ISM2: variants seen among roughly 807,000 people sequenced by gnomAD.
The protein encoded by ISM2 is isthmin 2, also known as isthmin-2.
ISM2 carries 50 observed loss-of-function variants against 58.0 expected under a neutral mutation model. The ratio of observed to expected loss-of-function variants is 0.86; its 90% confidence interval spans 0.69 to 1.09. The LOEUF is 1.09. Among genes scored for constraint, ISM2 ranks in the 50% least tolerant of loss-of-function variants. The pLI, the probability that ISM2 is intolerant of heterozygous loss-of-function variation, is 0.00. For missense variants in ISM2, 723 were observed against 745.0 expected, an observed-to-expected ratio of 0.97 and a Z score of 0.34; for synonymous variants, 303 against 312.4, an observed-to-expected ratio of 0.97 and a Z score of 0.32.
intron 4 of ISM2, among the ~76,000 whole-genome samples, chr14:77,480,615 T>G (rs2079126319): frequency 6.8e-6 from 1 of 146,812 alleles, no homozygotes. Context: ...TGGAGTGCAG[T>G]GATGTAATCA....
Position 77,482,511 on chromosome 14 carries a change from G to C in ISM2, c.784C>G (p.Pro262Ala). Residue 262 changes from proline to alanine, a missense_variant, in exon 4 of 7, where the codon CCA (proline) becomes GCA (alanine). Physicochemically the swap from Pro to Ala is conservative, Grantham distance 27. Coordinates refer to ENST00000342219, the MANE Select transcript of ISM2 (RefSeq NM_199296.3). Reference protein sequence around the residue: ...DYKGEEKDRAPGEKGEEKEED... With the variant: ...DYKGEEKDRAAGEKGEEKEED... ...TCCTTTTCCTCCCCCTTCTCCCCTG[G>C]GGCCCTGTCTTTTTCCTCTCCTTTG... The C allele has an allele frequency of 6.2e-7, 1 of 1,614,032 alleles. No homozygotes were observed. The highest frequency in any genetic ancestry group is 2.2e-5 in the East Asian group (1 of 44,884).
chr14:77,478,800 AG>A (rs1274298820), intron 4 of ISM2, 85 bp from the exon 5 acceptor site: 2 of 1,403,682 alleles, frequency 1.4e-6, no homozygotes, highest in African/African-American at 2.8e-5. Context: ...CCCTTTCCTC[AG>A]GTGGATGCAG....
At chr14:77,477,124 A>G (rs2079103330) in intron 6 of ISM2, among the ~76,000 whole-genome samples, 1 of 152,158 alleles carries the variant, frequency 6.6e-6, no homozygotes, top group South Asian at 2.1e-4. Flanking sequence ...GACTCACCAG[A>G]GCCCTGCAGC....
chr14:77,488,223 C>T (rs990187864), intron 1 of ISM2, among the ~76,000 whole-genome samples: 1 of 152,138 alleles, frequency 6.6e-6, no homozygotes, highest in Admixed American at 6.5e-5. Context: ...ATCACTGCCA[C>T]GTAAACAAAT....
At chr14:77,497,402 T>C (rs967992479) in intron 1 of ISM2, among the ~76,000 whole-genome samples, 1 of 137,132 alleles carries the variant, frequency 7.3e-6, no homozygotes, top group Non-Finnish European at 1.6e-5. Context: ...AGAAGAAGAA[T>C]GGCTGGGCAC....
intron 1 of ISM2, among the ~76,000 whole-genome samples, chr14:77,497,727 G>GTAGT (rs1458331349): frequency 8.5e-6 from 1 of 117,034 alleles, no homozygotes; most frequent in Non-Finnish European, 1.7e-5. Flanking sequence ...GAAAGAAAAA[G>GTAGT]TAGGAAGGAA....
Position 77,481,570 on chromosome 14 carries a change from A to G in ISM2, c.973+752T>C, listed in dbSNP as rs950230517. On this transcript the variant is annotated intron_variant, in intron 4 of 6. Coordinates refer to ENST00000342219, the MANE Select transcript of ISM2 (RefSeq NM_199296.3). ...CCATTCCCCATTCTATAGAGGAAGG[A>G]ACTGAGGCACAGAGAGTTGAAGAAT... 1.1e-4 allele frequency among the ~76,000 whole-genome samples: 17 copies of G among 152,206 alleles called. No individual in the cohort carries two copies. The South Asian group carries it at 3.5e-3, about 31-fold the overall frequency.
At chr14:77,489,752 C>T (rs1161346583) in intron 1 of ISM2, among the ~76,000 whole-genome samples, 1 of 152,210 alleles carries the variant, frequency 6.6e-6, no homozygotes, top group Non-Finnish European at 1.5e-5. Flanking sequence ...TAGTGCTCCC[C>T]GCACAGGGCC....
At chr14:77,482,865 G>A (rs753471027) in intron 3 of ISM2, 198 bp from the exon 4 acceptor site, 8 of 506,236 alleles carry the variant, frequency 1.6e-5, no homozygotes, top group South Asian at 1.1e-4. Flanking sequence ...GCCTGGAGGT[G>A]CATTAGAATC....
rs75698064 is a variant in ISM2 at position 77,485,786 on chromosome 14, C to T, written c.142-867G>A. Among the ~76,000 whole-genome samples, 1,428 of 152,326 alleles carry T rather than the reference C, an allele frequency of 9.4e-3. 17 individuals are homozygous for T. The highest frequency in any genetic ancestry group is 0.032 in the African/African-American group (1,319 of 41,576). ...GGACCCTGCTTCACTCAGGCCACACCCTTGCCACCCCTCCCGTCTCATACC... is the reference window on the plus strand; with the variant it reads ...GGACCCTGCTTCACTCAGGCCACACTCTTGCCACCCCTCCCGTCTCATACC... On this transcript the variant is annotated intron_variant, in intron 1 of 6. Transcript: ENST00000342219.
rs551080760 is a variant in ISM2, at chr14:77,477,066, T to C, written c.1199-954A>G. The stretch of plus-strand genomic sequence containing the variant: ...ATTTCACCCGGTCCCCATGGCACAG[T>C]GCAGCAGAGGCCAGGAGCCTTCATA... On this transcript the variant is annotated intron_variant, in intron 6 of 6. Coordinates refer to ENST00000342219, the MANE Select transcript of ISM2 (RefSeq NM_199296.3). Among the ~76,000 whole-genome samples the C allele has an allele frequency of 1.2e-4, 18 of 152,226 alleles. No individual in the cohort carries two copies. In the South Asian group the frequency reaches 3.1e-3, roughly 26 times the overall value.
At chr14:77,484,158 T>A in intron 3 of ISM2, 165 bp downstream of exon 3, 1 of 852,180 alleles carries the variant, frequency 1.2e-6, no homozygotes, top group South Asian at 1.8e-5. Context: ...GGGCAGGTCC[T>A]CTGCCCCCTA....
intron 3 of ISM2, 196 bp downstream of exon 3, chr14:77,484,127 G>A (rs566388980): frequency 1.6e-5 from 10 of 640,898 alleles, no homozygotes; most frequent in Non-Finnish European, 2.6e-5. Flanking sequence ...CTTGCCCAAG[G>A]CCCACAGCTA....
At position 77,475,641 on chromosome 14, in the gene ISM2, A is replaced by AG. The variant is rs2079091941; in HGVS notation, c.1669dup (p.Leu557ProfsTer49). 1 of 1,610,812 alleles carries AG rather than the reference A, an allele frequency of 6.2e-7. No individual in the cohort carries two copies. Among genetic ancestry groups the AG allele is most frequent in the South Asian group, 1.1e-5 (1 of 90,568 alleles). ...CAACTGTGCTAGGTACTCCTCCTCC[A>AG]GGGGGTTGTCGGTGCAGGCTCGGCC... is the stretch of plus-strand genomic sequence containing the variant. On this transcript the variant is annotated frameshift_variant, in exon 7 of 7. Coordinates refer to ENST00000342219, the MANE Select transcript of ISM2 (RefSeq NM_199296.3). LOFTEE classifies it high-confidence loss of function. The surrounding 1 kb of genome is among the most constrained non-coding windows in gnomAD (Gnocchi z 4.1).
At chr14:77,487,259 A>G (rs1233701175) in intron 1 of ISM2, among the ~76,000 whole-genome samples, 1 of 150,142 alleles carries the variant, frequency 6.7e-6, no homozygotes, top group Non-Finnish European at 1.5e-5. Flanking sequence ...AAATAAATAA[A>G]TAAATAAATA....
rs1351953513 is a variant in ISM2, at chr14:77,474,903, G to A, written c.*692C>T. 6 of 152,298 alleles carry A rather than the reference G, an allele frequency of 3.9e-5. No homozygotes were observed. The highest frequency in any genetic ancestry group is 2.6e-4 in the Admixed American group (4 of 15,292). 9.4% of individuals were successfully genotyped at this position (152,298 alleles called of 1,614,324 possible). ...AACAGAGGGGGCTGAGCAAAGGAAA[G>A]GGACCAGAATTGGGCAACCCATTCC... On this transcript the variant is annotated 3_prime_UTR_variant, in exon 7 of 7. Coordinates refer to ENST00000342219, the MANE Select transcript of ISM2 (RefSeq NM_199296.3).
intron 4 of ISM2, among the ~76,000 whole-genome samples, chr14:77,481,577 GCA>G (rs1396814271): frequency 6.6e-6 from 1 of 152,110 alleles, no homozygotes; most frequent in Non-Finnish European, 1.5e-5. Context: ...AGGAACTGAG[GCA>G]CAGAGAGTTG....
chr14:77,482,667 C>A lies in ISM2; in HGVS notation c.628G>T (p.Val210Leu). Reference sequence around the variant, plus strand: ...GGGTCCTCCACCACCTTGATGGTCACCTGCAGGAGACAGGCCAGGCCGGCC... The same window carrying A: ...GGGTCCTCCACCACCTTGATGGTCAACTGCAGGAGACAGGCCAGGCCGGCC... ...TLSTPNPDNQVTIKVVEDPQA... is the reference protein window; with the variant it reads ...TLSTPNPDNQLTIKVVEDPQA... The change falls in exon 4 of 7, where the codon GTG (valine) becomes TTG (leucine). Residue 210 changes from valine (V) to leucine (L), a missense_variant and splice_region_variant. Physicochemically the swap from Val to Leu is conservative, Grantham distance 32. Coordinates refer to ENST00000342219, the MANE Select transcript of ISM2 (RefSeq NM_199296.3). The A allele has an allele frequency of 6.5e-7, 1 of 1,534,560 alleles. No homozygotes were observed.
At chr14:77,498,131 G>A in intron 1 of ISM2, 1 of 558,200 alleles carries the variant, frequency 1.8e-6, no homozygotes, top group Non-Finnish European at 2.7e-6. Flanking sequence ...CCACCCACAG[G>A]CCACGAGGAC....
Sources: allele counts gnomAD v4.1 joint callset (sites outside exome capture counted in the v4.1 genomes callset), GRCh38; gene constraint gnomAD v4.1.1; non-coding constraint Gnocchi (gnomAD v3.1); transcripts MANE v1.5; gene names NCBI Gene and HGNC (gene_info 2026-07-23, HGNC 2026-07-21).